HCN2: variants seen among roughly 807,000 people sequenced by gnomAD.
HCN2 encodes potassium/sodium hyperpolarization-activated cyclic nucleotide-gated channel 2.
In HCN2, 20 loss-of-function variants were observed where a neutral mutation model predicts 52.3. The ratio of observed to expected loss-of-function variants is 0.38; its 90% CI spans 0.27 to 0.56. The LOEUF (loss-of-function observed/expected upper bound fraction) is 0.56. Among genes scored for constraint, HCN2 ranks in the 20% least tolerant of loss-of-function variants. The probability of loss-of-function intolerance (pLI) is 0.71; values close to 1 mark genes in which losing one functional copy is unlikely to be tolerated. For missense variants in HCN2, 981 were observed against 1,207.7 expected (o/e 0.81, Z 2.78); for synonymous variants, 694 against 537.0 (o/e 1.29, Z -4.04).
chr19:589,992 C>A lies in HCN2; in HGVS notation c.47C>A (p.Ala16Glu). ...GGGCGGCCCGGGGAGAGCCCGGGCG[C>A]GACCCCCGCGCCGGGGCCGCCGCCG... ...GGGRPGESPGATPAPGPPPPP... is the reference protein window; with the variant it reads ...GGGRPGESPGETPAPGPPPPP... The change falls in exon 1 of 8, where the codon GCG (alanine) becomes GAG (glutamate). Residue 16 changes from alanine (A) to glutamate (E), a missense_variant. Ala to Glu is a moderately radical substitution (Grantham distance 107, BLOSUM62 -1). This residue lies in a region of HCN2 where 215 missense variants were observed against 179.4 expected (regional missense o/e 1.20). Transcript: ENST00000251287. 2 of 738,936 alleles carry A rather than the reference C, an allele frequency of 2.7e-6. No individual in the cohort carries two copies. Among genetic ancestry groups the A allele is most frequent in the Non-Finnish European group, 3.2e-6 (2 of 618,626 alleles). The allele number at this position is 738,936 out of a possible 1,614,324, so 45.8% of individuals were successfully genotyped here. A position where few individuals can be genotyped will look rare whatever the true frequency, so the allele number is the denominator to read the frequency against.
chr19:612,179 C>G (rs1337737228), intron 5 of HCN2, among the ~76,000 whole-genome samples: 1 of 151,872 alleles, frequency 6.6e-6, no homozygotes, highest in Admixed American at 6.6e-5. Context: ...TGCCCCAGGT[C>G]ATAAGGGCAC....
intron 5 of HCN2, among the ~76,000 whole-genome samples, chr19:610,979 T>TCGCCC (rs1983610772): frequency 1.3e-5 from 2 of 151,984 alleles, no homozygotes; most frequent in Non-Finnish European, 2.9e-5. Flanking sequence ...CCAGGCGCCC[T>TCGCCC]TGGCTTGCAG....
intron 7 of HCN2, among the ~76,000 whole-genome samples, chr19:615,235 C>T (rs1041204787): frequency 6.7e-6 from 1 of 149,598 alleles, no homozygotes; most frequent in African/African-American, 2.4e-5. Flanking sequence ...TACTGCCAGG[C>T]GCGGTGGCTC....
At position 616,724 on chromosome 19, in the gene HCN2, G is replaced by A. The variant is rs1387050215; in HGVS notation, c.*250G>A. On this transcript the variant is annotated 3_prime_UTR_variant, in exon 8 of 8. Coordinates refer to ENST00000251287, the MANE Select transcript of HCN2 (RefSeq NM_001194.4). ...CGGCGGCGGCCTCGCGTGCGAGGGG[G>A]CTCCCTTCACCTCGGTGCCTCAGTT... 2 of 203,912 alleles carry A rather than the reference G, an allele frequency of 9.8e-6. No individual in the cohort carries two copies. Among genetic ancestry groups the A allele is most frequent in the East Asian group, 1.2e-4 (1 of 8,660 alleles). The allele number at this position is 203,912 out of a possible 1,614,324, so 12.6% of individuals were successfully genotyped here.
At chr19:607,079 G>T (rs1983450649) in intron 3 of HCN2, among the ~76,000 whole-genome samples, 1 of 152,136 alleles carries the variant, frequency 6.6e-6, no homozygotes. Context: ...GGCCAAGGCA[G>T]GAGAATCGCT....
rs879455146 is a variant in HCN2, at chr19:592,357, C to G, written c.632+1780C>G. Among the ~76,000 whole-genome samples, 2 of 152,174 alleles carry G rather than the reference C, an allele frequency of 1.3e-5. No homozygotes were observed. The highest frequency in any genetic ancestry group is 1.3e-4 in the Admixed American group (2 of 15,290). On this transcript the variant is annotated intron_variant, in intron 1 of 7. Transcript: ENST00000251287. The surrounding 1 kb of genome is among the most constrained non-coding windows in gnomAD (Gnocchi z 4.8). ...GACCCCCTGGCTGCAGAGGGGCGGT[C>G]GGTGGCCTGGGGGGCAGGTGGGCAG... is the stretch of plus-strand genomic sequence containing the variant.
intron 7 of HCN2, among the ~76,000 whole-genome samples, chr19:614,332 T>C (rs971932685): frequency 1.3e-5 from 2 of 152,182 alleles, no homozygotes; most frequent in African/African-American, 4.8e-5. Flanking sequence ...TTTGCGGTTG[T>C]GCCGAATGCT....
At chr19:604,827 G>GT (rs1983361178) in intron 2 of HCN2, among the ~76,000 whole-genome samples, 1 of 91,548 alleles carries the variant, frequency 1.1e-5, no homozygotes, top group Non-Finnish European at 2.1e-5. Context: ...GTGGATTTGG[G>GT]GGGGTCCTGC....
rs148372833 is a variant in HCN2 at position 611,872 on chromosome 19, G to A, written c.1585-1376G>A. ...TCTTTAAACCCACATATGGCCAGGC[G>A]TGGTGGCTCACGCCTGTAATCCCAG... On this transcript the variant is annotated intron_variant, in intron 5 of 7. Coordinates refer to ENST00000251287, the MANE Select transcript of HCN2 (RefSeq NM_001194.4). Among the ~76,000 whole-genome samples the A allele has an allele frequency of 3.1e-4, 47 of 152,300 alleles. 1 individual carries two copies. The East Asian group carries it at 7.0e-3, about 23-fold the overall frequency.
intron 4 of HCN2, among the ~76,000 whole-genome samples, chr19:609,559 A>G (rs572897876): frequency 6.6e-6 from 1 of 152,306 alleles, no homozygotes; most frequent in African/African-American, 2.4e-5. Flanking sequence ...TGAGGTCAGG[A>G]GTTTAAGACC....
intron 1 of HCN2, among the ~76,000 whole-genome samples, chr19:602,499 T>C (rs527901917): frequency 6.6e-6 from 1 of 152,296 alleles, no homozygotes; most frequent in South Asian, 2.1e-4. Flanking sequence ...CTGTGGCCCC[T>C]GTGGAGGCTC....
intron 2 of HCN2, 66 bp from the exon 3 acceptor site, chr19:604,995 G>A (rs1159665423): frequency 8.4e-6 from 13 of 1,546,894 alleles, no homozygotes; most frequent in African/African-American, 1.4e-5. Flanking sequence ...GGCGCACGGG[G>A]CTGGGGCTCT....
In HCN2 at chr19:615,918, C is replaced by T; in HGVS notation, c.2114C>T (p.Ala705Val). The T allele has an allele frequency of 1.2e-6, 2 of 1,612,024 alleles. No individual in the cohort carries two copies. The highest frequency in any genetic ancestry group is 2.2e-5 in the East Asian group (1 of 44,844). ...TACGACCGCGAGATGGTGCAGCAGG[C>T]CGAGCTGGGTCAGCGCGTGGGCCTC... ...VKYDREMVQQ[A>V]ELGQRVGLFP... is the part of the protein sequence containing the mutation. The change falls in exon 8 of 8, where the codon GCC becomes GTC. Residue 705 changes from alanine to valine, a missense_variant. This residue lies in a region of HCN2 where 368 missense variants were observed against 314.8 expected (regional missense o/e 1.17). Coordinates refer to ENST00000251287, the MANE Select transcript of HCN2 (RefSeq NM_001194.4).
At position 616,897 on chromosome 19, in the gene HCN2, C is replaced by A; in HGVS notation, c.*423C>A. On this transcript the variant is annotated 3_prime_UTR_variant, in exon 8 of 8. Transcript: ENST00000251287. ...ACTTGGCCCGCCGGCTTCCCGCTGC[C>A]CCCATCGCGCTCACGCAATAACCGG... 6.6e-6 allele frequency: 2 copies of A among 301,284 alleles called. No homozygotes were observed. The highest frequency in any genetic ancestry group is 6.3e-6 in the Non-Finnish European group (1 of 159,848). 18.7% of individuals were successfully genotyped at this position (301,284 alleles called of 1,614,324 possible).
At position 592,409 on chromosome 19, in the gene HCN2, A is replaced by G. The variant is rs1234606539; in HGVS notation, c.632+1832A>G. On this transcript the variant is annotated intron_variant, in intron 1 of 7. Coordinates refer to ENST00000251287, the MANE Select transcript of HCN2 (RefSeq NM_001194.4). This position sits in a 1 kb window ranked among gnomAD's most constrained non-coding sequence, Gnocchi z 4.8. ...TGGCTGATCCCGGGGCTTGGGGGGAAGGCCGGTGGTAGGAGTGAAGCCCTC... is the reference window on the plus strand; with the variant it reads ...TGGCTGATCCCGGGGCTTGGGGGGAGGGCCGGTGGTAGGAGTGAAGCCCTC... Among the ~76,000 whole-genome samples, 1 of 152,110 alleles carries G rather than the reference A, an allele frequency of 6.6e-6. No individual in the cohort carries two copies.
chr19:597,092 C>T (rs1009716915), intron 1 of HCN2, among the ~76,000 whole-genome samples: 28 of 152,332 alleles, frequency 1.8e-4, no homozygotes, highest in African/African-American at 5.5e-4. Flanking sequence ...GTGGTTGGAA[C>T]GGGCAGGCCC....
In HCN2 at chr19:589,887, G is replaced by C; in HGVS notation, c.-59G>C. 1 of 585,834 alleles carries C rather than the reference G, an allele frequency of 1.7e-6. No homozygotes were observed. The highest frequency in any genetic ancestry group is 2.1e-6 in the Non-Finnish European group (1 of 482,604). 36.3% of individuals were successfully genotyped at this position (585,834 alleles called of 1,614,324 possible). A position where few individuals can be genotyped will look rare whatever the true frequency, so the allele number is the denominator to read the frequency against. Reference sequence around the variant, plus strand: ...CCGCCCCCGCCTCCCCCCTCCCTCGGGCTCCGGCCGGCGGCGGCGGCGGCG... The same window carrying C: ...CCGCCCCCGCCTCCCCCCTCCCTCGCGCTCCGGCCGGCGGCGGCGGCGGCG... On this transcript the variant is annotated 5_prime_UTR_variant, in exon 1 of 8. Coordinates refer to ENST00000251287, the MANE Select transcript of HCN2 (RefSeq NM_001194.4).
At chr19:605,307 G>GACCT in intron 3 of HCN2, 85 bp downstream of exon 3, 62 of 1,346,162 alleles carry the variant, frequency 4.6e-5, no homozygotes, top group Non-Finnish European at 5.9e-5. Flanking sequence ...CGCTTACAGA[G>GACCT]GGTTGAACCC....
intron 5 of HCN2, among the ~76,000 whole-genome samples, chr19:612,844 G>GA (rs1983702214): frequency 7.9e-6 from 1 of 126,374 alleles, no homozygotes. Context: ...ACGCCTGGCT[G>GA]TTTTTTTTTT....
Sources: gnomAD v4.1 joint callset for allele counts (sites outside exome capture counted in the v4.1 genomes callset) on GRCh38, gnomAD v4.1.1 for gene constraint, gnomAD v4.1.1 regional missense constraint, Gnocchi (gnomAD v3.1) non-coding constraint, MANE v1.5 for transcripts, NCBI Gene and HGNC (gene_info 2026-07-23, HGNC 2026-07-21) for gene names.